The following STX8 variants were observed in gnomAD, a reference collection of about 807,000 sequenced individuals.
STX8 encodes the protein syntaxin 8.
A neutral mutation model predicts 37.5 loss-of-function variants in STX8; 23 were observed. The ratio of observed to expected loss-of-function variants is 0.61; its 90% CI spans 0.44 to 0.87. The LOEUF (loss-of-function observed/expected upper bound fraction) is 0.87, where lower values mean the gene tolerates loss of function less well. Among genes scored for constraint, STX8 ranks in the 40% least tolerant of loss-of-function variants. The pLI is 0.00. For missense variants in STX8, 313 were observed against 284.7 expected (o/e 1.10, Z -0.71); for synonymous variants, 115 against 99.1 (o/e 1.16, Z -0.95).
chr17:9,270,414 AT>A (rs535959745), intron 7 of STX8, among the ~76,000 whole-genome samples: 139 of 145,978 alleles, frequency 9.5e-4, no homozygotes, highest in Admixed American at 9.6e-4. Context: ...CGCCCGGCTA[AT>A]TTTTTTTTTT....
At position 9,568,420 on chromosome 17, in the gene STX8, T is replaced by G. The variant is rs1907543937; in HGVS notation, c.68A>C (p.Lys23Thr). Reference protein sequence around the residue: ...TCQIAQEIAEKIQQRNQYERK... With the variant: ...TCQIAQEIAETIQQRNQYERK... ...TTCATATTGATTTCGTTGTTGAATT[T>G]TCTCAGCAATTTCTTGGGCAATTTG... is the stretch of plus-strand genomic sequence containing the variant. Residue 23 changes from lysine (K) to threonine (T), a missense_variant, in exon 2 of 8, where the codon AAA becomes ACA. By Grantham distance (78) the Lys-to-Thr change is moderately conservative. Transcript: ENST00000306357. 1.2e-6 allele frequency: 2 copies of G among 1,612,742 alleles called. No homozygotes were observed. The highest frequency in any genetic ancestry group is 2.7e-5 in the African/African-American group (2 of 74,912).
chr17:9,447,398 T>C (rs1904887403), intron 6 of STX8, among the ~76,000 whole-genome samples: 2 of 152,168 alleles, frequency 1.3e-5, no homozygotes, highest in Non-Finnish European at 2.9e-5. Context: ...GGATAAAATC[T>C]TAGGAAGATT....
chr17:9,321,605 C>T (rs1291132986), intron 7 of STX8, among the ~76,000 whole-genome samples: 7 of 151,936 alleles, frequency 4.6e-5, no homozygotes, highest in South Asian at 4.1e-4. Context: ...CTGCAACCTC[C>T]GCCTCCCAGG....
chr17:9,413,358 G>A (rs1913044518), intron 6 of STX8, among the ~76,000 whole-genome samples: 1 of 152,214 alleles, frequency 6.6e-6, no homozygotes, highest in Non-Finnish European at 1.5e-5. Context: ...AAGGTAAAAT[G>A]TGGACAGAGA....
chr17:9,410,245 T>C lies in STX8; in HGVS notation c.542-31592A>G, dbSNP rs549664113. 2.6e-5 allele frequency among the ~76,000 whole-genome samples: 4 copies of C among 152,348 alleles called. No homozygotes were observed. In the East Asian group the frequency reaches 7.7e-4, roughly 29 times the overall value. ...CAGATAAGTCATCATTGCTTATGAT[T>C]GAGTTAATTTCTATTTCAAATTATA... is the stretch of plus-strand genomic sequence containing the variant. On this transcript the variant is annotated intron_variant, in intron 6 of 7. Transcript: ENST00000306357.
At chr17:9,565,658 C>T (rs144568580) in intron 2 of STX8, among the ~76,000 whole-genome samples, 151 of 148,348 alleles carry the variant, frequency 1.0e-3, no homozygotes, top group Admixed American at 1.7e-3. Flanking sequence ...AATAAGGCCA[C>T]ACGTACAACT....
intron 7 of STX8, among the ~76,000 whole-genome samples, chr17:9,255,741 T>G (rs1906771809): frequency 6.6e-6 from 1 of 152,142 alleles, no homozygotes. Context: ...GGGGGAGACT[T>G]TAAACAGGCT....
intron 6 of STX8, among the ~76,000 whole-genome samples, chr17:9,427,837 T>C (rs753817061): frequency 6.6e-6 from 1 of 152,204 alleles, no homozygotes; most frequent in Non-Finnish European, 1.5e-5. Flanking sequence ...TTTCTTAAAA[T>C]AGAGTTGAAA....
chr17:9,284,626 CTT>C (rs1438236626), intron 7 of STX8, among the ~76,000 whole-genome samples: 1 of 152,012 alleles, frequency 6.6e-6, no homozygotes, highest in African/African-American at 2.4e-5. Flanking sequence ...TAAAGCTACT[CTT>C]GTTTTTGAAA....
chr17:9,529,247 TAG>T (rs10536811), intron 4 of STX8, among the ~76,000 whole-genome samples: 2,164 of 150,206 alleles, frequency 0.014, 41 homozygotes, highest in African/African-American at 0.047. Context: ...ACATAGCTCT[TAG>T]AGAGAGAGAG....
At chr17:9,545,067 A>G in intron 4 of STX8, 105 bp downstream of exon 4, 1 of 689,500 alleles carries the variant, frequency 1.5e-6, no homozygotes, top group South Asian at 1.8e-5. Flanking sequence ...AATGAATAGA[A>G]TAGATTTTGA....
At chr17:9,310,469 T>G (rs1909154363) in intron 7 of STX8, among the ~76,000 whole-genome samples, 1 of 152,198 alleles carries the variant, frequency 6.6e-6, no homozygotes, top group Admixed American at 6.5e-5. Context: ...CCCCCACCTG[T>G]CTGCTTAAAG....
chr17:9,560,438 C>T (rs1321296884), intron 2 of STX8, among the ~76,000 whole-genome samples: 1 of 143,336 alleles, frequency 7.0e-6, no homozygotes, highest in Non-Finnish European at 1.5e-5. Context: ...TCAATATGGT[C>T]ATTAGTCATA....
intron 3 of STX8, chr17:9,547,525 G>A (rs1906583261): frequency 6.7e-6 from 1 of 150,226 alleles, no homozygotes; most frequent in South Asian, 2.1e-4. Flanking sequence ...CTACGCAGGA[G>A]GCTGAGGCAG....
At chr17:9,272,466 A>C (rs1907499597) in intron 7 of STX8, among the ~76,000 whole-genome samples, 1 of 152,314 alleles carries the variant, frequency 6.6e-6, no homozygotes, top group Admixed American at 6.5e-5. Flanking sequence ...CTTGGATAAC[A>C]TTTATATTTC....
intron 7 of STX8, among the ~76,000 whole-genome samples, chr17:9,268,440 C>G (rs371484066): frequency 6.6e-6 from 1 of 152,148 alleles, no homozygotes. Flanking sequence ...GCTCTGACCC[C>G]GAGCACATGG....
intron 6 of STX8, among the ~76,000 whole-genome samples, chr17:9,413,455 C>A (rs1255413335): frequency 6.6e-6 from 1 of 152,162 alleles, no homozygotes; most frequent in East Asian, 1.9e-4. Context: ...GTAAAGGAGA[C>A]CTGTTTCTCA....
intron 6 of STX8, among the ~76,000 whole-genome samples, chr17:9,486,496 T>TG (rs1906603741): frequency 6.6e-6 from 1 of 152,230 alleles, no homozygotes; most frequent in Non-Finnish European, 1.5e-5. Flanking sequence ...TTCTTTGTGG[T>TG]GGCTCATGCC....
At chr17:9,272,796 C>A (rs1211226125) in intron 7 of STX8, among the ~76,000 whole-genome samples, 3 of 152,212 alleles carry the variant, frequency 2.0e-5, no homozygotes, top group African/African-American at 7.2e-5. Flanking sequence ...TAAGTTCTTT[C>A]CCTTCTGAGC....
Sources: gnomAD v4.1 joint callset for allele counts (sites outside exome capture counted in the v4.1 genomes callset) on GRCh38, gnomAD v4.1.1 for gene constraint, MANE v1.5 for transcripts, NCBI Gene and HGNC (gene_info 2026-07-23, HGNC 2026-07-21) for gene names.